CYP19A1: variants seen among roughly 807,000 people sequenced by gnomAD.
CYP19A1 encodes the protein aromatase.
Under a neutral mutation model 44.4 loss-of-function variants are expected in CYP19A1, and 32 were observed. The observed-to-expected ratio is 0.72, with a 90% confidence interval of 0.54 to 0.97. The LOEUF (loss-of-function observed/expected upper bound fraction) is 0.97, where lower values mean the gene tolerates loss of function less well. Ranked by LOEUF, CYP19A1 falls within the 50% of genes least tolerant of loss-of-function variation. The pLI is 0.00. For synonymous variants in CYP19A1, 212 were observed against 215.6 expected, an observed-to-expected ratio of 0.98 and a Z score of 0.14; for missense variants, 598 against 637.8, an observed-to-expected ratio of 0.94 and a Z score of 0.67.
At chr15:51,295,012 A>G (rs903373869) in intron 1 of CYP19A1, among the ~76,000 whole-genome samples, 13 of 151,850 alleles carry the variant, frequency 8.6e-5, no homozygotes, top group African/African-American at 3.1e-4. Flanking sequence ...AAAAAAAAAA[A>G]GAATGCCTGA....
intron 1 of CYP19A1, among the ~76,000 whole-genome samples, chr15:51,251,425 T>C (rs1395331812): frequency 2.6e-5 from 4 of 152,272 alleles, no homozygotes; most frequent in East Asian, 1.9e-4. Context: ...CTGGATATGA[T>C]AAGTTCTTGT....
chr15:51,300,807 A>C (rs979182982), intron 1 of CYP19A1, among the ~76,000 whole-genome samples: 4 of 152,238 alleles, frequency 2.6e-5, no homozygotes, highest in Non-Finnish European at 5.9e-5. Flanking sequence ...CAAACTATTT[A>C]GTTTAAAAAT....
At chr15:51,252,573 G>C (rs540565997) in intron 1 of CYP19A1, among the ~76,000 whole-genome samples, 29 of 152,312 alleles carry the variant, frequency 1.9e-4, no homozygotes, top group African/African-American at 7.0e-4. Context: ...GGGAAAGTGA[G>C]GGGCAAAATT....
intron 3 of CYP19A1, among the ~76,000 whole-genome samples, chr15:51,234,078 GAAAA>G (rs889196454): frequency 4.0e-5 from 6 of 149,278 alleles, no homozygotes; most frequent in African/African-American, 1.5e-4. Context: ...CTTTTCAAAA[GAAAA>G]AAAAAATCTG....
chr15:51,325,900 GCT>G (rs1204636579), intron 1 of CYP19A1, among the ~76,000 whole-genome samples: 1 of 144,558 alleles, frequency 6.9e-6, no homozygotes, highest in Non-Finnish European at 1.5e-5. Context: ...AAATATCATA[GCT>G]TAGCCCAGCC....
chr15:51,309,855 C>T (rs1223038431), intron 1 of CYP19A1, among the ~76,000 whole-genome samples: 1 of 152,154 alleles, frequency 6.6e-6, no homozygotes, highest in Non-Finnish European at 1.5e-5. Context: ...TCCCTTTATT[C>T]CACTCGCCCA....
intron 1 of CYP19A1, among the ~76,000 whole-genome samples, chr15:51,325,911 C>T (rs951433139): frequency 6.6e-6 from 1 of 151,410 alleles, no homozygotes; most frequent in African/African-American, 2.4e-5. Context: ...CTTAGCCCAG[C>T]CTACCTTAAA....
At chr15:51,294,518 A>G (rs1416922174) in intron 1 of CYP19A1, among the ~76,000 whole-genome samples, 5 of 136,640 alleles carry the variant, frequency 3.7e-5, no homozygotes, top group African/African-American at 1.4e-4. Context: ...TCCGCCCGGC[A>G]GCCGCCCCAT....
chr15:51,290,962 T>C (rs2035830420), intron 1 of CYP19A1, among the ~76,000 whole-genome samples: 1 of 152,156 alleles, frequency 6.6e-6, no homozygotes, highest in African/African-American at 2.4e-5. Context: ...TGAGCATCAT[T>C]ATGGCCCTAA....
chr15:51,231,606 AAAG>A lies in CYP19A1; in HGVS notation c.297-3676_297-3674del, dbSNP rs377260764. Among the ~76,000 whole-genome samples, 596 of 151,696 alleles carry A rather than the reference AAAG, an allele frequency of 3.9e-3. 4 individuals are homozygous for A. Among genetic ancestry groups the A allele is most frequent in the African/African-American group, 0.014 (572 of 41,366 alleles). On this transcript the variant is annotated intron_variant, in intron 3 of 9. Coordinates refer to ENST00000396402, the MANE Select transcript of CYP19A1 (RefSeq NM_000103.4). ...TGGCAGTTGAAGTGGGCTGGGAAAA[AAAG>A]AAAAACCACACATGCGCACACATGT...
At chr15:51,296,473 T>A (rs1185096009) in intron 1 of CYP19A1, among the ~76,000 whole-genome samples, 1 of 152,142 alleles carries the variant, frequency 6.6e-6, no homozygotes, top group African/African-American at 2.4e-5. Flanking sequence ...CATGGGCCTT[T>A]GTCAGAAGGC....
At chr15:51,231,122 G>T (rs2032996514) in intron 3 of CYP19A1, among the ~76,000 whole-genome samples, 1 of 152,188 alleles carries the variant, frequency 6.6e-6, no homozygotes, top group Non-Finnish European at 1.5e-5. Flanking sequence ...CAGTGCTAGT[G>T]GGACAACCTG....
In CYP19A1 at chr15:51,224,979, A is replaced by G. The variant is rs2032449730; in HGVS notation, c.452-2454T>C. On this transcript the variant is annotated intron_variant, in intron 4 of 9. Transcript: ENST00000396402. ...GTTTTCTTAATTAGCTTCTACCTTC[A>G]TTTAAAACTCATTATAAGCATCCAT... 1.3e-5 allele frequency among the ~76,000 whole-genome samples: 2 copies of G among 152,132 alleles called. 1 individual carries two copies. Among genetic ancestry groups the G allele is most frequent in the South Asian group, 4.1e-4 (2 of 4,828 alleles).
intron 1 of CYP19A1, among the ~76,000 whole-genome samples, chr15:51,287,198 A>G (rs762611702): frequency 2.6e-5 from 4 of 152,214 alleles, no homozygotes; most frequent in Non-Finnish European, 4.4e-5. Context: ...CTTCTTGCCT[A>G]TCTTGTTCTT....
At chr15:51,314,278 A>C (rs1441993771) in intron 1 of CYP19A1, among the ~76,000 whole-genome samples, 1 of 152,074 alleles carries the variant, frequency 6.6e-6, no homozygotes, top group Non-Finnish European at 1.5e-5. Flanking sequence ...AGCTTTCAAC[A>C]TGGGGACTAG....
At chr15:51,226,854 G>A (rs1327527797) in intron 4 of CYP19A1, among the ~76,000 whole-genome samples, 1 of 152,072 alleles carries the variant, frequency 6.6e-6, no homozygotes, top group African/African-American at 2.4e-5. Flanking sequence ...TCCCTATTTT[G>A]CCTGGGTGAA....
chr15:51,278,684 T>G (rs1343515395), intron 1 of CYP19A1, among the ~76,000 whole-genome samples: 1 of 152,232 alleles, frequency 6.6e-6, no homozygotes, highest in Admixed American at 6.5e-5. Flanking sequence ...GGTTCAGTTG[T>G]GTACACCTGG....
At chr15:51,247,382 C>T (rs2034108248) in intron 1 of CYP19A1, among the ~76,000 whole-genome samples, 1 of 152,178 alleles carries the variant, frequency 6.6e-6, no homozygotes, top group African/African-American at 2.4e-5. Context: ...GATATTTCAC[C>T]ATTACTCCAT....
chr15:51,315,395 T>C (rs995445136), intron 1 of CYP19A1, among the ~76,000 whole-genome samples: 65 of 151,296 alleles, frequency 4.3e-4, no homozygotes, highest in Non-Finnish European at 8.7e-4. Context: ...TTGCCCACCC[T>C]ACCCCAGTCT....
Sources: gnomAD v4.1 joint callset for allele counts (sites outside exome capture counted in the v4.1 genomes callset) on GRCh38, gnomAD v4.1.1 for gene constraint, MANE v1.5 for transcripts, NCBI Gene and HGNC (gene_info 2026-07-23, HGNC 2026-07-21) for gene names.